DOCK2: variants seen among roughly 807,000 people sequenced by gnomAD.
DOCK2 encodes dedicator of cytokinesis protein 2.
A neutral mutation model predicts 248.9 loss-of-function variants in DOCK2; 87 were observed. The observed-to-expected ratio is 0.35, with a 90% CI of 0.29 to 0.42. The LOEUF is 0.42. Ranked by LOEUF, DOCK2 falls within the 10% of genes least tolerant of loss-of-function variation. The probability of loss-of-function intolerance (pLI) is 1.00; values close to 1 mark genes in which losing one functional copy is unlikely to be tolerated. For synonymous variants in DOCK2, 805 were observed against 821.6 expected (o/e 0.98, Z 0.35); for missense variants, 1,747 against 2,300.2 (o/e 0.76, Z 4.92).
chr5:169,972,542 CAGAT>C (rs143089504), intron 27 of DOCK2, among the ~76,000 whole-genome samples: 5,104 of 141,230 alleles, frequency 0.036, 116 homozygotes, highest in East Asian at 0.058. Context: ...CACTGTGAGA[CAGAT>C]AGATAGATAG....
intron 27 of DOCK2, among the ~76,000 whole-genome samples, chr5:169,866,306 T>G (rs935078875): frequency 6.6e-6 from 1 of 152,188 alleles, no homozygotes; most frequent in African/African-American, 2.4e-5. Context: ...TAAATTAGAA[T>G]TGTATTGTGG....
At chr5:169,860,672 G>A (rs902413611) in intron 27 of DOCK2, among the ~76,000 whole-genome samples, 8 of 152,194 alleles carry the variant, frequency 5.3e-5, no homozygotes, top group Non-Finnish European at 1.0e-4. Flanking sequence ...TAGATGGTTC[G>A]TGGAGAAGGC....
chr5:169,796,829 GGA>G (rs1306224092), intron 25 of DOCK2, among the ~76,000 whole-genome samples: 5 of 152,328 alleles, frequency 3.3e-5, no homozygotes, highest in Non-Finnish European at 5.9e-5. Context: ...TTCAGGAGAA[GGA>G]GAGAGTTTGT....
At chr5:169,981,852 T>C (rs1777946410) in intron 27 of DOCK2, among the ~76,000 whole-genome samples, 2 of 152,220 alleles carry the variant, frequency 1.3e-5, no homozygotes, top group African/African-American at 4.8e-5. Context: ...GCATACTTAA[T>C]AGACTACAAT....
chr5:169,869,440 T>C (rs1248695187), intron 27 of DOCK2, among the ~76,000 whole-genome samples: 3 of 152,236 alleles, frequency 2.0e-5, no homozygotes, highest in Non-Finnish European at 4.4e-5. Context: ...TTAATGTTTT[T>C]TAGGCCAAAG....
chr5:170,067,554 G>T lies in DOCK2; in HGVS notation c.4512G>T (p.Thr1504=). Residue 1504 remains threonine (T), a synonymous_variant, in exon 45 of 52, where the codon ACG becomes ACT. Coordinates refer to ENST00000520908, the MANE Select transcript of DOCK2 (RefSeq NM_004946.3). ...AGAATGCCATAGAAACCATGTCCAC[G>T]GCCAATGAGAAGATCCTGATGATGA... is the stretch of plus-strand genomic sequence containing the variant. ...PLENAIETMS[T]ANEKILMMIN... is the part of the protein sequence containing the mutation. 1.2e-6 allele frequency: 2 copies of T among 1,614,024 alleles called. No individual in the cohort carries two copies. Among genetic ancestry groups the T allele is most frequent in the East Asian group, 2.2e-5 (1 of 44,874 alleles).
At chr5:169,822,668 A>G (rs1278503337) in intron 26 of DOCK2, among the ~76,000 whole-genome samples, 2 of 152,248 alleles carry the variant, frequency 1.3e-5, no homozygotes, top group East Asian at 3.8e-4. Flanking sequence ...AGAAAGCAGG[A>G]AAGATCTAAA....
At chr5:170,010,937 T>A (rs1755264558) in intron 32 of DOCK2, among the ~76,000 whole-genome samples, 1 of 152,238 alleles carries the variant, frequency 6.6e-6, no homozygotes, top group Non-Finnish European at 1.5e-5. Context: ...AGATATAGAT[T>A]ATGTTTTGGC....
At chr5:169,729,209 G>A (rs1415951262) in intron 22 of DOCK2, among the ~76,000 whole-genome samples, 1 of 152,182 alleles carries the variant, frequency 6.6e-6, no homozygotes, top group Admixed American at 6.5e-5. Context: ...TTGCCAGAAG[G>A]GTGAAATTTG....
intron 28 of DOCK2, among the ~76,000 whole-genome samples, chr5:169,984,931 A>AT (rs34428719): frequency 6.6e-6 from 1 of 151,860 alleles, no homozygotes; most frequent in African/African-American, 2.4e-5. Flanking sequence ...TTTATTTTTT[A>AT]TTTTTTGAGA....
At chr5:169,859,421 C>T (rs1055694502) in intron 27 of DOCK2, among the ~76,000 whole-genome samples, 2 of 152,208 alleles carry the variant, frequency 1.3e-5, no homozygotes, top group African/African-American at 4.8e-5. Context: ...TGAATGCTGA[C>T]AGTGTTGGAT....
rs553971582 is a variant in DOCK2 at position 170,016,097 on chromosome 5, C to G, written c.3233-2863C>G. On this transcript the variant is annotated intron_variant, in intron 32 of 51. Transcript: ENST00000520908. ...TGGGACCCCTTTCCACCCACACCCCCCTGAGCTCTTCTCTGTGCTTACATT... is the reference window on the plus strand; with the variant it reads ...TGGGACCCCTTTCCACCCACACCCCGCTGAGCTCTTCTCTGTGCTTACATT... 1.1e-4 allele frequency among the ~76,000 whole-genome samples: 17 copies of G among 152,298 alleles called. No individual in the cohort carries two copies. The South Asian group carries it at 2.1e-3, about 19-fold the overall frequency.
At position 169,671,124 on chromosome 5, in the gene DOCK2, G is replaced by A. The variant is rs1254090637; in HGVS notation, c.271G>A (p.Val91Met). 6.2e-7 allele frequency: 1 copy of A among 1,613,972 alleles called. No individual in the cohort carries two copies. The highest frequency in any genetic ancestry group is 1.3e-5 in the African/African-American group (1 of 74,940). ...IPAEIPLAQE[V>M]TTTLWEWGSI... ...TGCAGAAATTCCTCTGGCACAAGAA[G>A]TGACAACGACACTTTGGGAATGGGG... Residue 91 changes from valine to methionine, a missense_variant, in exon 5 of 52, where the codon GTG becomes ATG. Physicochemically the swap from Val to Met is conservative, Grantham distance 21 (BLOSUM62 1). Around this residue, in one of 4 missense-constraint regions of DOCK2, gnomAD observed 375 missense variants for 510.9 expected, o/e 0.73. Coordinates refer to ENST00000520908, the MANE Select transcript of DOCK2 (RefSeq NM_004946.3).
intron 14 of DOCK2, among the ~76,000 whole-genome samples, chr5:169,704,759 ATGTGTGTGTGTGTG>A (rs56289708): frequency 0.35 from 48,458 of 139,838 alleles, 9,064 homozygotes; most frequent in East Asian, 0.47. Context: ...CTCCATATAT[ATGTGTGTGTGTGTG>A]TGTGTGTGTG....
chr5:169,648,697 A>C (rs886701725), intron 1 of DOCK2, among the ~76,000 whole-genome samples: 9 of 152,148 alleles, frequency 5.9e-5, no homozygotes, highest in Non-Finnish European at 8.8e-5. Context: ...CTCATCTGTA[A>C]AACAGAGACG....
intron 25 of DOCK2, among the ~76,000 whole-genome samples, chr5:169,800,374 CCACTTGT>C: frequency 6.6e-6 from 1 of 152,214 alleles, no homozygotes; most frequent in Non-Finnish European, 1.5e-5. Context: ...GCAATATTAT[CCACTTGT>C]CACGGACTGT....
intron 32 of DOCK2, among the ~76,000 whole-genome samples, chr5:170,018,109 C>G (rs1042371527): frequency 2.0e-5 from 3 of 152,138 alleles, no homozygotes; most frequent in Middle Eastern, 3.2e-3. Context: ...ATAAAGATAT[C>G]ATTTCAAAAT....
At chr5:170,050,759 T>A (rs891707671) in intron 41 of DOCK2, among the ~76,000 whole-genome samples, 6 of 152,138 alleles carry the variant, frequency 3.9e-5, no homozygotes, top group African/African-American at 1.4e-4. Context: ...TGGTACAGAG[T>A]GACTCCCAGT....
chr5:169,702,487 A>G, intron 14 of DOCK2, 60 bp downstream of exon 14: 6 of 1,601,216 alleles, frequency 3.7e-6, no homozygotes, highest in Non-Finnish European at 5.1e-6. Flanking sequence ...CTGCTTGTAA[A>G]GACGTACTTT....
Sources: gnomAD v4.1 joint callset for allele counts (sites outside exome capture counted in the v4.1 genomes callset) on GRCh38, gnomAD v4.1.1 for gene constraint, gnomAD v4.1.1 regional missense constraint, MANE v1.5 for transcripts, NCBI Gene and HGNC (gene_info 2026-07-23, HGNC 2026-07-21) for gene names.